The following FGF9 variants were observed in gnomAD, a reference collection of about 807,000 sequenced individuals.
FGF9 encodes fibroblast growth factor 9.
Under a neutral mutation model 19.9 loss-of-function variants are expected in FGF9, and 3 were observed. The ratio of observed to expected loss-of-function variants is 0.15; its 90% CI spans 0.07 to 0.39. The LOEUF is 0.39. Among genes scored for constraint, FGF9 ranks in the 10% least tolerant of loss-of-function variants. The pLI is 1.00. For missense variants in FGF9, 175 were observed against 256.8 expected (o/e 0.68, Z 2.18); for synonymous variants, 107 against 106.9 (o/e 1.00, Z -0.01).
intron 2 of FGF9, among the ~76,000 whole-genome samples, chr13:21,696,064 G>A (rs968218122): frequency 3.3e-5 from 5 of 152,124 alleles, no homozygotes; most frequent in Non-Finnish European, 7.4e-5. Flanking sequence ...TTTTAAGTGG[G>A]CATAGATACG....
chr13:21,693,361 C>G (rs1180889063), intron 2 of FGF9, among the ~76,000 whole-genome samples: 1 of 152,046 alleles, frequency 6.6e-6, no homozygotes, highest in Admixed American at 6.6e-5. Context: ...TAGGACTTCT[C>G]TGTGGGTATT....
At chr13:21,675,335 TGCCGCTGCGGCAG>T (rs1395210075) in intron 1 of FGF9, among the ~76,000 whole-genome samples, 3 of 152,064 alleles carry the variant, frequency 2.0e-5, no homozygotes, top group Non-Finnish European at 4.4e-5. Context: ...CTCCCGCTGC[TGCCGCTGCGGCAG>T]GTCCCAATAT....
Position 21,671,797 on chromosome 13 carries a change from C to G in FGF9, c.-116C>G. ...GATTGAAGAAAAGAACCTTTTTTTT[C>G]TCTCTCTCTCTGCAACTGCAGTAAG... On this transcript the variant is annotated 5_prime_UTR_variant, in exon 1 of 3. Coordinates refer to ENST00000382353, the MANE Select transcript of FGF9 (RefSeq NM_002010.3). The G allele has an allele frequency of 1.5e-6, 1 of 674,848 alleles. No individual in the cohort carries two copies. The highest frequency in any genetic ancestry group is 2.3e-6 in the Non-Finnish European group (1 of 434,720). 41.8% of individuals were successfully genotyped at this position (674,848 alleles called of 1,614,324 possible). A position where few individuals can be genotyped will look rare whatever the true frequency, so the allele number is the denominator to read the frequency against.
chr13:21,685,018 A>G (rs962472245), intron 2 of FGF9, among the ~76,000 whole-genome samples: 1 of 152,312 alleles, frequency 6.6e-6, no homozygotes, highest in Non-Finnish European at 1.5e-5. Context: ...TGTGGTTATC[A>G]TGCCTCGTGT....
At chr13:21,684,371 G>T in intron 2 of FGF9, among the ~76,000 whole-genome samples, 1 of 151,682 alleles carries the variant, frequency 6.6e-6, no homozygotes, top group African/African-American at 2.4e-5. Context: ...TATGGCTCTT[G>T]TACATAGTAG....
In FGF9 at chr13:21,691,646, C is replaced by T. The variant is rs533321703; in HGVS notation, c.382-9544C>T. On this transcript the variant is annotated intron_variant, in intron 2 of 2. Transcript: ENST00000382353. The surrounding 1 kb of genome is among the most constrained non-coding windows in gnomAD (Gnocchi z 4.2). ...GTTCAGCGTCCTGGCCCGAGAGATG[C>T]CCTCCATCCTTACAAAGTGGAGTGG... Among the ~76,000 whole-genome samples the T allele has an allele frequency of 1.2e-4, 19 of 152,348 alleles. No individual in the cohort carries two copies. Among genetic ancestry groups the T allele is most frequent in the African/African-American group, 4.6e-4 (19 of 41,584 alleles).
intron 2 of FGF9, among the ~76,000 whole-genome samples, chr13:21,690,476 C>G (rs1057002913): frequency 6.6e-6 from 1 of 152,200 alleles, no homozygotes; most frequent in Non-Finnish European, 1.5e-5. Context: ...TACCTCACAA[C>G]CCCTTGTTTC....
intron 2 of FGF9, among the ~76,000 whole-genome samples, chr13:21,697,844 T>A (rs1205538245): frequency 6.6e-6 from 1 of 151,424 alleles, no homozygotes; most frequent in African/African-American, 2.4e-5. Flanking sequence ...TCTCTCTCTG[T>A]CGCCCAGGCT....
chr13:21,680,962 C>T (rs1872029606), intron 1 of FGF9, 80 bp from the exon 2 acceptor site: 1 of 1,110,546 alleles, frequency 9.0e-7, no homozygotes, highest in African/African-American at 1.5e-5. Context: ...GTGTCCTCTC[C>T]AAAACCCCAG....
chr13:21,698,234 A>G (rs551444892), intron 2 of FGF9, among the ~76,000 whole-genome samples: 24 of 152,250 alleles, frequency 1.6e-4, no homozygotes, highest in Non-Finnish European at 2.8e-4. Context: ...TTACATAATA[A>G]CAAGATCCTG....
chr13:21,699,857 G>A (rs1426843014), intron 2 of FGF9, among the ~76,000 whole-genome samples: 1 of 152,130 alleles, frequency 6.6e-6, no homozygotes, highest in Non-Finnish European at 1.5e-5. Context: ...AGTTATTTTC[G>A]TGTTTACTGT....
chr13:21,698,929 A>C (rs1019296369), intron 2 of FGF9, among the ~76,000 whole-genome samples: 24 of 152,216 alleles, frequency 1.6e-4, no homozygotes, highest in African/African-American at 5.8e-4. Context: ...AATTTCACTT[A>C]ATTACAGCAA....
At chr13:21,676,428 G>A (rs1417581141) in intron 1 of FGF9, among the ~76,000 whole-genome samples, 1 of 152,220 alleles carries the variant, frequency 6.6e-6, no homozygotes, top group African/African-American at 2.4e-5. Context: ...ACTCTTCAAT[G>A]TCTCAGGAAA....
intron 2 of FGF9, among the ~76,000 whole-genome samples, chr13:21,685,966 G>C (rs1469374274): frequency 6.6e-6 from 1 of 152,130 alleles, no homozygotes; most frequent in African/African-American, 2.4e-5. Flanking sequence ...CATTAACATT[G>C]GTCACTTTTG....
chr13:21,686,615 G>T (rs1872164156), intron 2 of FGF9, among the ~76,000 whole-genome samples: 2 of 152,158 alleles, frequency 1.3e-5, no homozygotes, highest in Admixed American at 1.3e-4. Flanking sequence ...GCCCAGAATT[G>T]TAATTCCTGC....
chr13:21,696,842 CA>C (rs1158389824), intron 2 of FGF9, among the ~76,000 whole-genome samples: 2 of 152,122 alleles, frequency 1.3e-5, no homozygotes, highest in Non-Finnish European at 2.9e-5. Flanking sequence ...CCGTCTAAAA[CA>C]AAAATCACAC....
Position 21,672,177 on chromosome 13 carries a change from C to T in FGF9, c.265C>T (p.His89Tyr). ...TACTATCCAGGGAACCAGGAAAGAC[C>T]ACAGCCGATTTGGTAGGTATACCAT... ...NGTIQGTRKD[H>Y]SRFGILEFIS... The change falls in exon 1 of 3, where the codon CAC becomes TAC. Residue 89 changes from histidine (H) to tyrosine (Y), a missense_variant. Around this residue, in one of 3 missense-constraint regions of FGF9, gnomAD observed 101 missense variants for 160.7 expected, o/e 0.63. Coordinates refer to ENST00000382353, the MANE Select transcript of FGF9 (RefSeq NM_002010.3). The surrounding 1 kb of genome is among the most constrained non-coding windows in gnomAD (Gnocchi z 4.2). The T allele has an allele frequency of 1.2e-6, 2 of 1,614,156 alleles. No homozygotes were observed. The highest frequency in any genetic ancestry group is 8.5e-7 in the Non-Finnish European group (1 of 1,180,020).
intron 2 of FGF9, among the ~76,000 whole-genome samples, chr13:21,682,417 A>G (rs1004563889): frequency 1.3e-5 from 2 of 152,210 alleles, no homozygotes; most frequent in African/African-American, 4.8e-5. Context: ...ATACACAGAA[A>G]TGAAGGGCAA....
intron 2 of FGF9, among the ~76,000 whole-genome samples, chr13:21,686,154 C>T (rs962102317): frequency 6.6e-6 from 1 of 152,134 alleles, no homozygotes; most frequent in African/African-American, 2.4e-5. Context: ...CTCAGCCTCC[C>T]GAGTAGCGGG....
Sources: gnomAD v4.1 joint callset for allele counts (sites outside exome capture counted in the v4.1 genomes callset) on GRCh38, gnomAD v4.1.1 for gene constraint, gnomAD v4.1.1 regional missense constraint, Gnocchi (gnomAD v3.1) non-coding constraint, MANE v1.5 for transcripts, NCBI Gene and HGNC (gene_info 2026-07-23, HGNC 2026-07-21) for gene names.